Variants in SCUBE1 observed in about 807,000 individuals in gnomAD.
The protein encoded by SCUBE1 is signal peptide, CUB and EGF-like domain-containing protein 1.
Under a neutral mutation model 124.4 loss-of-function variants are expected in SCUBE1, and 59 were observed. That is an observed-to-expected ratio of 0.47 (90% confidence interval 0.38 to 0.59). The LOEUF is 0.59. Ranked by LOEUF, SCUBE1 falls within the 20% of genes least tolerant of loss-of-function variation. The pLI, the probability that SCUBE1 is intolerant of heterozygous loss-of-function variation, is 0.00. For synonymous variants in SCUBE1, 545 were observed against 550.9 expected (o/e 0.99, Z 0.15); for missense variants, 1,150 against 1,371.2 (o/e 0.84, Z 2.55).
intron 14 of SCUBE1, among the ~76,000 whole-genome samples, chr22:43,219,815 C>A (rs975273511): frequency 2.0e-5 from 3 of 151,978 alleles, no homozygotes; most frequent in Admixed American, 2.0e-4. Context: ...GGGGGCAGAC[C>A]TCAGTTCTAT....
At chr22:43,206,632 G>T (rs1261873086) in intron 21 of SCUBE1, among the ~76,000 whole-genome samples, 2 of 133,530 alleles carry the variant, frequency 1.5e-5, no homozygotes, top group East Asian at 1.9e-4. Context: ...GCGGAAGGAT[G>T]GGGGGAAAGA....
intron 4 of SCUBE1, among the ~76,000 whole-genome samples, chr22:43,288,517 T>TG (rs1180565721): frequency 1.3e-5 from 2 of 152,238 alleles, no homozygotes; most frequent in African/African-American, 4.8e-5. Context: ...TCGTGCTCTC[T>TG]GCTCCTTCGT....
chr22:43,265,044 G>A (rs1315570121), intron 4 of SCUBE1, among the ~76,000 whole-genome samples: 2 of 152,220 alleles, frequency 1.3e-5, no homozygotes, highest in Non-Finnish European at 2.9e-5. Context: ...GCTTATAGAT[G>A]ATGAAGAAAG....
chr22:43,226,884 C>A (rs937357076), intron 10 of SCUBE1, among the ~76,000 whole-genome samples: 3 of 152,112 alleles, frequency 2.0e-5, no homozygotes, highest in Admixed American at 2.0e-4. Context: ...GGGGCAGGGA[C>A]CATGGGCTTT....
intron 14 of SCUBE1, among the ~76,000 whole-genome samples, chr22:43,219,696 A>T (rs913977034): frequency 7.3e-5 from 11 of 150,966 alleles, no homozygotes; most frequent in Non-Finnish European, 1.3e-4. Context: ...CTGGTCTTGA[A>T]CTCCTGAACT....
rs1165039968 is a variant in SCUBE1, at chr22:43,202,561, C to T, written c.*1436G>A. 6.6e-6 allele frequency: 1 copy of T among 152,126 alleles called. No homozygotes were observed. Among genetic ancestry groups the T allele is most frequent in the Non-Finnish European group, 1.5e-5 (1 of 68,066 alleles). 9.4% of individuals were successfully genotyped at this position (152,126 alleles called of 1,614,324 possible). On this transcript the variant is annotated 3_prime_UTR_variant, in exon 22 of 22. Transcript: ENST00000360835. ...GCGCTGGCCTTCCGGCTGGGTGGGACACATGCACTCGGTCACAGCCCAGAC... is the reference window on the plus strand; with the variant it reads ...GCGCTGGCCTTCCGGCTGGGTGGGATACATGCACTCGGTCACAGCCCAGAC...
intron 10 of SCUBE1, among the ~76,000 whole-genome samples, chr22:43,226,336 G>C (rs142570686): frequency 6.6e-6 from 1 of 152,164 alleles, no homozygotes; most frequent in Non-Finnish European, 1.5e-5. Flanking sequence ...GATGGGTGCG[G>C]AAGTGGCCAA....
chr22:43,295,125 C>T (rs914040372), intron 3 of SCUBE1, among the ~76,000 whole-genome samples: 1 of 152,170 alleles, frequency 6.6e-6, no homozygotes, highest in African/African-American at 2.4e-5. Context: ...GAATGACGAC[C>T]CTTCAAGTCC....
intron 3 of SCUBE1, among the ~76,000 whole-genome samples, chr22:43,307,560 A>G (rs1416512478): frequency 6.6e-6 from 1 of 152,184 alleles, no homozygotes; most frequent in Non-Finnish European, 1.5e-5. Flanking sequence ...CTGCCAGGTC[A>G]CGGGATGCTG....
intron 3 of SCUBE1, among the ~76,000 whole-genome samples, chr22:43,305,102 C>T (rs1041684291): frequency 1.1e-4 from 16 of 152,270 alleles, no homozygotes; most frequent in Non-Finnish European, 1.5e-4. Flanking sequence ...ATCTTGGCGA[C>T]GTGATTCTGC....
In SCUBE1 at chr22:43,198,646, G is replaced by A. The variant is rs768370770; in HGVS notation, c.*5351C>T. ...ACACCTTGTGCATCTTTGGTGAAAAGGGACCTCAATGTCAGGTGCAGTTTG... is the reference window on the plus strand; with the variant it reads ...ACACCTTGTGCATCTTTGGTGAAAAAGGACCTCAATGTCAGGTGCAGTTTG... On this transcript the variant is annotated 3_prime_UTR_variant, in exon 22 of 22. Transcript: ENST00000360835. The A allele has an allele frequency of 2.2e-6, 1 of 456,728 alleles. No homozygotes were observed. Among genetic ancestry groups the A allele is most frequent in the South Asian group, 1.5e-5 (1 of 64,568 alleles). 28.3% of individuals were successfully genotyped at this position (456,728 alleles called of 1,614,324 possible).
At chr22:43,262,492 G>C (rs1027290392) in intron 5 of SCUBE1, among the ~76,000 whole-genome samples, 1 of 152,200 alleles carries the variant, frequency 6.6e-6, no homozygotes, top group Non-Finnish European at 1.5e-5. Flanking sequence ...CCCAGCTCCT[G>C]GGGCTACACT....
At chr22:43,238,334 CT>C (rs1487444760) in intron 7 of SCUBE1, 2 of 218,588 alleles carry the variant, frequency 9.1e-6, no homozygotes, top group Non-Finnish European at 1.8e-5. Context: ...CCTCGCCCCC[CT>C]AGTAGTGACA....
chr22:43,288,619 T>C (rs4822274), intron 4 of SCUBE1, among the ~76,000 whole-genome samples: 17,737 of 152,280 alleles, frequency 0.12, 1,160 homozygotes, highest in Admixed American at 0.17. Flanking sequence ...GCTTCCCACC[T>C]GGCTTTCTCA....
In SCUBE1 at chr22:43,317,296, C is replaced by T. The variant is rs114015624; in HGVS notation, c.349+2641G>A. Among the ~76,000 whole-genome samples the T allele has an allele frequency of 3.4e-3, 516 of 152,326 alleles. 6 individuals are homozygous for T. Among genetic ancestry groups the T allele is most frequent in the African/African-American group, 0.012 (502 of 41,558 alleles). On this transcript the variant is annotated intron_variant, in intron 3 of 21. Coordinates refer to ENST00000360835, the MANE Select transcript of SCUBE1 (RefSeq NM_173050.5). ...CACCTAATAGGGGCTAGTCACTTCA[C>T]ACTGTCACCTCATCCTCACACGCGA... is the stretch of plus-strand genomic sequence containing the variant.
chr22:43,339,247 G>A lies in SCUBE1; in HGVS notation c.89-12C>T, dbSNP rs762470513. 2 of 1,612,168 alleles carry A rather than the reference G, an allele frequency of 1.2e-6. No individual in the cohort carries two copies. The highest frequency in any genetic ancestry group is 1.3e-5 in the African/African-American group (1 of 74,892). ...CACGTCGACTGACCCTGTGGGTAGGGGTGTGGGGGGAATAAGAGGTAAGGT... is the reference window on the plus strand; with the variant it reads ...CACGTCGACTGACCCTGTGGGTAGGAGTGTGGGGGGAATAAGAGGTAAGGT... On this transcript the variant is annotated splice_polypyrimidine_tract_variant and intron_variant, in intron 1 of 21. Coordinates refer to ENST00000360835, the MANE Select transcript of SCUBE1 (RefSeq NM_173050.5).
intron 6 of SCUBE1, among the ~76,000 whole-genome samples, chr22:43,243,301 C>T (rs941805347): frequency 2.6e-5 from 4 of 152,222 alleles, no homozygotes; most frequent in Non-Finnish European, 5.9e-5. Context: ...GGGGAGAGCG[C>T]TCACCCTGTA....
intron 3 of SCUBE1, among the ~76,000 whole-genome samples, chr22:43,294,406 C>G (rs533673386): frequency 6.6e-6 from 1 of 152,008 alleles, no homozygotes; most frequent in Non-Finnish European, 1.5e-5. Context: ...GCCCATGAGC[C>G]CAGGACAGAC....
At chr22:43,309,099 C>T (rs1160859337) in intron 3 of SCUBE1, among the ~76,000 whole-genome samples, 3 of 152,022 alleles carry the variant, frequency 2.0e-5, no homozygotes, top group Non-Finnish European at 2.9e-5. Context: ...GCTTCCCACA[C>T]GGCCCAGGCC....
Sources: allele counts gnomAD v4.1 joint callset (sites outside exome capture counted in the v4.1 genomes callset), GRCh38; gene constraint gnomAD v4.1.1; transcripts MANE v1.5; gene names NCBI Gene and HGNC (gene_info 2026-07-23, HGNC 2026-07-21).